Variants in FLACC1 observed in about 807,000 individuals in gnomAD.
The protein encoded by FLACC1 is flagellum-associated coiled-coil domain-containing protein 1.
FLACC1 carries 66 observed loss-of-function variants against 62.8 expected under a neutral mutation model. That is an observed-to-expected ratio of 1.05 (90% CI 0.86 to 1.29). The LOEUF (loss-of-function observed/expected upper bound fraction) is 1.29. Ranked by LOEUF, FLACC1 falls within the 50% of genes most tolerant of loss-of-function variation. FLACC1 has a pLI of 0.00. For synonymous variants in FLACC1, 156 were observed against 161.0 expected (o/e 0.97, Z 0.24); for missense variants, 452 against 489.1 (o/e 0.92, Z 0.71).
chr2:201,309,311 G>T, intron 9 of FLACC1, 61 bp from the exon 10 acceptor site: 1 of 1,297,206 alleles, frequency 7.7e-7, no homozygotes. Flanking sequence ...ACCTGGAGAG[G>T]CTGTAAAACT....
chr2:201,302,026 A>G (rs918823957), intron 11 of FLACC1, among the ~76,000 whole-genome samples: 1 of 152,204 alleles, frequency 6.6e-6, no homozygotes, highest in African/African-American at 2.4e-5. Context: ...AACTGCATCA[A>G]CTAATGAACA....
intron 9 of FLACC1, 108 bp from the exon 10 acceptor site, chr2:201,309,358 G>T: frequency 1.3e-6 from 1 of 794,674 alleles, no homozygotes; most frequent in Non-Finnish European, 2.1e-6. Flanking sequence ...TTGCACAGTG[G>T]CCAGGGCCCA....
At chr2:201,289,902 A>G (rs773855176) in intron 12 of FLACC1, 117 bp from the exon 13 acceptor site, 2 of 1,567,034 alleles carry the variant, frequency 1.3e-6, no homozygotes, top group African/African-American at 1.3e-5. Context: ...TGCATCACTC[A>G]TGGCCACTCA....
chr2:201,299,164 T>C (rs1324029133), intron 12 of FLACC1, 74 bp downstream of exon 12: 6 of 1,377,078 alleles, frequency 4.4e-6, no homozygotes, highest in Non-Finnish European at 5.1e-6. Context: ...TTGATTCCAT[T>C]ATACTGACAG....
In FLACC1 at chr2:201,307,629, A is replaced by G; in HGVS notation, c.776-7T>C. ...TTTTTGGTCATCTTTTTTTCTGTGG[A>G]AGTGACAGGAAAGCACATATATGTG... On this transcript the variant is annotated splice_polypyrimidine_tract_variant and splice_region_variant and intron_variant, in intron 10 of 14. Transcript: ENST00000392257. The G allele has an allele frequency of 6.3e-7, 1 of 1,586,854 alleles. No individual in the cohort carries two copies. The highest frequency in any genetic ancestry group is 1.1e-5 in the South Asian group (1 of 90,526).
chr2:201,289,459 C>T lies in FLACC1; in HGVS notation c.1140G>A (p.Leu380=), dbSNP rs745956968. The part of the protein sequence containing the change: ...IQILTEENIH[L]KQKIISKNEE... ...GTCTTTTTCAGCAGCAGCCGCACTT[C>T]AGATGAATGTTCTCTTCCGTCAGGA... The change falls in exon 14 of 15, where the codon CTG becomes CTA. Residue 380 remains leucine, a splice_region_variant and synonymous_variant. Coordinates refer to ENST00000392257, the MANE Select transcript of FLACC1 (RefSeq NM_001127391.3). The T allele has an allele frequency of 3.7e-6, 6 of 1,613,724 alleles. No individual in the cohort carries two copies. Among genetic ancestry groups the T allele is most frequent in the Non-Finnish European group, 5.1e-6 (6 of 1,179,718 alleles).
intron 7 of FLACC1, among the ~76,000 whole-genome samples, chr2:201,339,389 G>GT (rs1260998488): frequency 1.3e-5 from 2 of 151,062 alleles, no homozygotes; most frequent in African/African-American, 4.9e-5. Flanking sequence ...CCTTTGTATT[G>GT]TTTTTTTAGT....
At chr2:201,327,161 C>T (rs1053700656) in intron 9 of FLACC1, among the ~76,000 whole-genome samples, 3 of 152,052 alleles carry the variant, frequency 2.0e-5, no homozygotes, top group African/African-American at 7.2e-5. Flanking sequence ...TCACCTTATA[C>T]AAAAATCAAC....
intron 9 of FLACC1, among the ~76,000 whole-genome samples, chr2:201,318,446 A>C (rs1038150704): frequency 6.6e-6 from 1 of 152,216 alleles, no homozygotes; most frequent in Admixed American, 6.5e-5. Flanking sequence ...ACATGAATAG[A>C]CAATTCTCAA....
intron 9 of FLACC1, among the ~76,000 whole-genome samples, chr2:201,316,094 T>C (rs1007537882): frequency 6.6e-6 from 1 of 151,806 alleles, no homozygotes; most frequent in African/African-American, 2.4e-5. Context: ...AACACTTATA[T>C]AAAAAAGTCT....
At position 201,306,373 on chromosome 2, in the gene FLACC1, A is replaced by G. The variant is rs145178000; in HGVS notation, c.879+1146T>C. Among the ~76,000 whole-genome samples the G allele has an allele frequency of 1.2e-4, 19 of 152,292 alleles. No individual in the cohort carries two copies. The East Asian group carries it at 2.1e-3, about 17-fold the overall frequency. On this transcript the variant is annotated intron_variant, in intron 11 of 14. Transcript: ENST00000392257. Reference sequence around the variant, plus strand: ...CCCTTCTCCAACATTGGAGATTACAATTTGACATGAGATTTGGGCAGGGAC... The same window carrying G: ...CCCTTCTCCAACATTGGAGATTACAGTTTGACATGAGATTTGGGCAGGGAC...
In FLACC1 at chr2:201,330,454, G is replaced by T; in HGVS notation, c.675+16C>A. ...CTTCCTTCTCTTGTAATCCAACAGG[G>T]AGCTGTGTATCTCACCTGATACGTA... On this transcript the variant is annotated intron_variant, in intron 9 of 14. Transcript: ENST00000392257. The T allele has an allele frequency of 1.2e-6, 2 of 1,609,194 alleles. No homozygotes were observed. The highest frequency in any genetic ancestry group is 1.7e-6 in the Non-Finnish European group (2 of 1,176,610).
At chr2:201,328,483 T>C (rs1950536205) in intron 9 of FLACC1, among the ~76,000 whole-genome samples, 2 of 152,324 alleles carry the variant, frequency 1.3e-5, no homozygotes, top group South Asian at 4.1e-4. Context: ...TAGAGTGCAG[T>C]GGCACGATCT....
upstream of FLACC1, among the ~76,000 whole-genome samples, chr2:201,360,349 T>A (rs1348240588): frequency 1.3e-5 from 2 of 152,178 alleles, no homozygotes; most frequent in Non-Finnish European, 2.9e-5. Context: ...ACAGCAATAT[T>A]ATCAAAATTG....
At chr2:201,330,669 G>C (rs1950575400) in intron 8 of FLACC1, 67 bp downstream of exon 8, 1 of 1,572,242 alleles carries the variant, frequency 6.4e-7, no homozygotes, top group Non-Finnish European at 8.7e-7. Flanking sequence ...AATCACCCTA[G>C]AAGCTTATTA....
chr2:201,318,788 C>T (rs1950348286), intron 9 of FLACC1, among the ~76,000 whole-genome samples: 3 of 152,138 alleles, frequency 2.0e-5, no homozygotes, highest in Non-Finnish European at 4.4e-5. Flanking sequence ...GAATTAATGG[C>T]ATCAACACAA....
intron 7 of FLACC1, among the ~76,000 whole-genome samples, chr2:201,336,342 T>A (rs1229794906): frequency 6.6e-6 from 1 of 152,254 alleles, no homozygotes; most frequent in Admixed American, 6.5e-5. Context: ...CATGATTTTG[T>A]TCTTTTTTAT....
At chr2:201,321,410 G>A (rs1950401368) in intron 9 of FLACC1, among the ~76,000 whole-genome samples, 1 of 152,204 alleles carries the variant, frequency 6.6e-6, no homozygotes, top group Non-Finnish European at 1.5e-5. Context: ...CTAGTGGGAA[G>A]TTTCTTTCAG....
intron 10 of FLACC1, among the ~76,000 whole-genome samples, chr2:201,308,367 T>G (rs1192695463): frequency 6.6e-6 from 1 of 152,170 alleles, no homozygotes; most frequent in Admixed American, 6.5e-5. Flanking sequence ...CAGCCTTAAC[T>G]CCGGGGTCTT....
Sources: gnomAD v4.1 joint callset for allele counts (sites outside exome capture counted in the v4.1 genomes callset) on GRCh38, gnomAD v4.1.1 for gene constraint, MANE v1.5 for transcripts, NCBI Gene and HGNC (gene_info 2026-07-23, HGNC 2026-07-21) for gene names.